PCBP3: variants seen among roughly 807,000 people sequenced by gnomAD.
The protein encoded by PCBP3 is poly(rC) binding protein 3, also known as poly(rC)-binding protein 3.
A neutral mutation model predicts 52.7 loss-of-function variants in PCBP3; 25 were observed. The ratio of observed to expected loss-of-function variants is 0.47; its 90% CI spans 0.35 to 0.66. The LOEUF (loss-of-function observed/expected upper bound fraction) is 0.66, where lower values mean the gene tolerates loss of function less well. Ranked by LOEUF, PCBP3 falls within the 30% of genes least tolerant of loss-of-function variation. The probability of loss-of-function intolerance (pLI) is 0.01; values close to 1 mark genes in which losing one functional copy is unlikely to be tolerated. For synonymous variants in PCBP3, 162 were observed against 183.0 expected (o/e 0.89, Z 0.93); for missense variants, 391 against 490.3 (o/e 0.80, Z 1.91).
At chr21:45,873,083 A>C (rs1269311389) in intron 5 of PCBP3, 1 of 152,054 alleles carries the variant, frequency 6.6e-6, no homozygotes, top group Non-Finnish European at 1.5e-5. Flanking sequence ...ATCTGGTGTC[A>C]TGTGCTCTCC....
chr21:45,798,767 A>T (rs1205939621), intron 4 of PCBP3, among the ~76,000 whole-genome samples: 4 of 139,848 alleles, frequency 2.9e-5, no homozygotes, highest in Non-Finnish European at 6.3e-5. Context: ...ATGGATGTGT[A>T]CATGGATGAA....
intron 9 of PCBP3, among the ~76,000 whole-genome samples, chr21:45,908,595 C>T (rs930707814): frequency 1.3e-5 from 2 of 152,302 alleles, no homozygotes; most frequent in African/African-American, 4.8e-5. Context: ...GTCACTGCCT[C>T]TGCCGCGCTG....
At position 45,904,800 on chromosome 21, in the gene PCBP3, T is replaced by C. The variant is rs2096158422; in HGVS notation, c.339+3687T>C. ...CTTGAGTCGTCGCTCTGGGGCCGTG[T>C]CTCACCCTCACACCATGTCACGATT... On this transcript the variant is annotated intron_variant, in intron 9 of 17. Transcript: ENST00000681687. The surrounding 1 kb of genome is among the most constrained non-coding windows in gnomAD (Gnocchi z 4.8). Among the ~76,000 whole-genome samples, 1 of 152,204 alleles carries C rather than the reference T, an allele frequency of 6.6e-6. No individual in the cohort carries two copies. Among genetic ancestry groups the C allele is most frequent in the Admixed American group, 6.5e-5 (1 of 15,280 alleles).
intron 5 of PCBP3, among the ~76,000 whole-genome samples, chr21:45,857,969 A>G (rs1205698431): frequency 6.6e-6 from 1 of 151,912 alleles, no homozygotes; most frequent in Non-Finnish European, 1.5e-5. Flanking sequence ...GCCTCCCCCC[A>G]CAGCCAAGCC....
At chr21:45,892,302 C>T (rs1031459741) in intron 5 of PCBP3, among the ~76,000 whole-genome samples, 1 of 152,202 alleles carries the variant, frequency 6.6e-6, no homozygotes, top group Non-Finnish European at 1.5e-5. Context: ...AGGGGAAGTT[C>T]CTCTACAAGG....
intron 1 of PCBP3, among the ~76,000 whole-genome samples, chr21:45,666,370 T>C (rs1341899759): frequency 6.8e-6 from 1 of 147,868 alleles, no homozygotes; most frequent in Non-Finnish European, 1.5e-5. Flanking sequence ...TTAAATCAAG[T>C]AGGAGGAAAG....
In PCBP3 at chr21:45,827,114, G is replaced by A. The variant is rs1228006312; in HGVS notation, c.-125-22847G>A. 6.6e-6 allele frequency among the ~76,000 whole-genome samples: 1 copy of A among 152,146 alleles called. No individual in the cohort carries two copies. Among genetic ancestry groups the A allele is most frequent in the African/African-American group, 2.4e-5 (1 of 41,446 alleles). On this transcript the variant is annotated intron_variant, in intron 4 of 17. Transcript: ENST00000681687. This position sits in a 1 kb window ranked among gnomAD's most constrained non-coding sequence, Gnocchi z 4.3. The stretch of plus-strand genomic sequence containing the variant: ...GCGCTCCCCACTCCCGCGTCCCTGG[G>A]GACCACACGGGGACTGGAGCTCCCT...
chr21:45,655,128 C>T lies in PCBP3; in HGVS notation c.-279+11260C>T, dbSNP rs191813714. On this transcript the variant is annotated intron_variant, in intron 1 of 17. Coordinates refer to ENST00000681687, the MANE Select transcript of PCBP3 (RefSeq NM_001384156.1). ...TCCATTCATCAGTAGATAGACATTT[C>T]GGTTGTTTTTTGGCTGTTATGAACA... is the stretch of plus-strand genomic sequence containing the variant. 2.4e-3 allele frequency among the ~76,000 whole-genome samples: 360 copies of T among 152,052 alleles called. 2 individuals are homozygous for T. Among genetic ancestry groups the T allele is most frequent in the African/African-American group, 8.1e-3 (335 of 41,482 alleles).
intron 5 of PCBP3, among the ~76,000 whole-genome samples, chr21:45,852,664 A>G (rs898563432): frequency 1.3e-5 from 2 of 151,068 alleles, no homozygotes; most frequent in Admixed American, 1.3e-4. Context: ...CCCTGCAGCC[A>G]TGCTGATTTT....
chr21:45,696,937 A>G (rs1224000549), intron 2 of PCBP3, among the ~76,000 whole-genome samples: 1 of 152,220 alleles, frequency 6.6e-6, no homozygotes, highest in Non-Finnish European at 1.5e-5. Flanking sequence ...AACCACAGTG[A>G]GGTACCACAA....
In PCBP3 at chr21:45,917,228, A is replaced by G. The variant is rs2073604441; in HGVS notation, c.676-360A>G. 1 of 242,086 alleles carries G rather than the reference A, an allele frequency of 4.1e-6. No homozygotes were observed. The highest frequency in any genetic ancestry group is 8.2e-5 in the East Asian group (1 of 12,122). The allele number at this position is 242,086 out of a possible 1,614,324, so 15.0% of individuals were successfully genotyped here. A position where few individuals can be genotyped will look rare whatever the true frequency, so the allele number is the denominator to read the frequency against. ...TTATTTCCCAAAAGTATTTACTCAG[A>G]TGACTGATTAAATTTTCAAAACCGT... On this transcript the variant is annotated intron_variant, in intron 12 of 17. Coordinates refer to ENST00000681687, the MANE Select transcript of PCBP3 (RefSeq NM_001384156.1). This position sits in a 1 kb window ranked among gnomAD's most constrained non-coding sequence, Gnocchi z 5.3.
intron 4 of PCBP3, among the ~76,000 whole-genome samples, chr21:45,773,553 T>A (rs2090036986): frequency 6.6e-6 from 1 of 152,202 alleles, no homozygotes; most frequent in African/African-American, 2.4e-5. Context: ...CCAGAAGCTT[T>A]GTGGTTTTAT....
chr21:45,796,019 G>A (rs778673650), intron 4 of PCBP3, among the ~76,000 whole-genome samples: 4 of 152,180 alleles, frequency 2.6e-5, no homozygotes, highest in African/African-American at 9.7e-5. Flanking sequence ...TATGTAATGA[G>A]TCTGAAAAGA....
chr21:45,789,383 T>G (rs1034241519), intron 4 of PCBP3, among the ~76,000 whole-genome samples: 1 of 152,186 alleles, frequency 6.6e-6, no homozygotes, highest in South Asian at 2.1e-4. Context: ...TGCCTATGAG[T>G]GCACGAGTGT....
At chr21:45,797,749 A>AC (rs1569235865) in intron 4 of PCBP3, among the ~76,000 whole-genome samples, 20 of 101,242 alleles carry the variant, frequency 2.0e-4, no homozygotes, top group South Asian at 8.7e-4. Flanking sequence ...GGATCCATAG[A>AC]GAGAGTGAAT....
chr21:45,786,528 T>G (rs1239829336), intron 4 of PCBP3, among the ~76,000 whole-genome samples: 1 of 152,174 alleles, frequency 6.6e-6, no homozygotes, highest in African/African-American at 2.4e-5. Context: ...TGATCTCGGG[T>G]AATCTGCCTG....
chr21:45,733,367 A>G (rs1179110664), intron 2 of PCBP3, among the ~76,000 whole-genome samples: 2 of 149,150 alleles, frequency 1.3e-5, no homozygotes, highest in African/African-American at 2.5e-5. Context: ...GCTCACTGCA[A>G]GCTCCACCTC....
intron 6 of PCBP3, among the ~76,000 whole-genome samples, chr21:45,898,298 CCG>C (rs1423752659): frequency 1.5e-5 from 1 of 68,174 alleles, no homozygotes; most frequent in Non-Finnish European, 3.2e-5. Flanking sequence ...CCTCTGCACA[CCG>C]TCCTCACAGT....
intron 5 of PCBP3, among the ~76,000 whole-genome samples, chr21:45,891,668 T>C (rs559136347): frequency 2.1e-4 from 32 of 152,310 alleles, no homozygotes; most frequent in Admixed American, 3.9e-4. Context: ...ACGGGCAAGA[T>C]TGTCACACTG....
Sources: allele counts gnomAD v4.1 joint callset (sites outside exome capture counted in the v4.1 genomes callset), GRCh38; gene constraint gnomAD v4.1.1; non-coding constraint Gnocchi (gnomAD v3.1); transcripts MANE v1.5; gene names NCBI Gene and HGNC (gene_info 2026-07-23, HGNC 2026-07-21).